Variants in ULK2 observed in about 807,000 individuals in gnomAD.
ULK2 encodes the protein unc-51 like autophagy activating kinase 2, also known as serine/threonine-protein kinase ULK2.
In ULK2, 76 loss-of-function variants were observed where a neutral mutation model predicts 127.5. The observed-to-expected ratio is 0.60, with a 90% CI of 0.50 to 0.72. The LOEUF (loss-of-function observed/expected upper bound fraction) is 0.72. Among genes scored for constraint, ULK2 ranks in the 30% least tolerant of loss-of-function variants. The pLI is 0.00. For synonymous variants in ULK2, 452 were observed against 461.9 expected (o/e 0.98, Z 0.28); for missense variants, 1,144 against 1,295.9 (o/e 0.88, Z 1.80).
chr17:19,781,943 T>C lies in ULK2; in HGVS notation c.2585A>G (p.Gln862Arg), dbSNP rs749467154. Residue 862 changes from glutamine to arginine, a missense_variant, in exon 23 of 27, where the codon CAG becomes CGG. Around this residue, in one of 2 missense-constraint regions of ULK2, gnomAD observed 913 missense variants for 970.5 expected, o/e 0.94. Transcript: ENST00000395544. ...ELCTSAVSLY[Q>R]IQESVVVDQI... The stretch of plus-strand genomic sequence containing the variant: ...GTCCACCACCACACTCTCCTGGATC[T>C]GGTACAAGGACACAGCAGATGTGCA... 62 of 1,614,086 alleles carry C rather than the reference T, an allele frequency of 3.8e-5. No homozygotes were observed. Among genetic ancestry groups the C allele is most frequent in the Middle Eastern group, 1.6e-4 (1 of 6,084 alleles).
chr17:19,856,627 C>T (rs1483519673), intron 3 of ULK2, among the ~76,000 whole-genome samples: 2 of 151,040 alleles, frequency 1.3e-5, no homozygotes, highest in Non-Finnish European at 2.9e-5. Flanking sequence ...TGACATGTAT[C>T]GTTTGTTCCT....
rs886414335 is a variant in ULK2 at position 19,774,151 on chromosome 17, C to T, written c.*2198G>A. The T allele has an allele frequency of 3.3e-5, 5 of 152,586 alleles. No homozygotes were observed. Among genetic ancestry groups the T allele is most frequent in the African/African-American group, 7.2e-5 (3 of 41,418 alleles). 9.5% of individuals were successfully genotyped at this position (152,586 alleles called of 1,614,324 possible). A position where few individuals can be genotyped will look rare whatever the true frequency, so the allele number is the denominator to read the frequency against. On this transcript the variant is annotated 3_prime_UTR_variant, in exon 27 of 27. Coordinates refer to ENST00000395544, the MANE Select transcript of ULK2 (RefSeq NM_014683.4). ...AAACACGATATGAAATTTAAAAATA[C>T]TCAGGGAAACATAAAGCATTTGTTT...
chr17:19,803,138 T>A (rs1377454281), intron 15 of ULK2, among the ~76,000 whole-genome samples: 1 of 152,190 alleles, frequency 6.6e-6, no homozygotes, highest in Non-Finnish European at 1.5e-5. Flanking sequence ...TTGATACCCA[T>A]AACCATAGTT....
chr17:19,822,717 C>T (rs1018330866), intron 12 of ULK2, among the ~76,000 whole-genome samples: 2 of 151,842 alleles, frequency 1.3e-5, no homozygotes, highest in East Asian at 1.9e-4. Flanking sequence ...GATGGAGTCT[C>T]GCTCTGTCGC....
At chr17:19,832,046 C>T (rs2041465173) in intron 10 of ULK2, among the ~76,000 whole-genome samples, 1 of 151,562 alleles carries the variant, frequency 6.6e-6, no homozygotes, top group African/African-American at 2.4e-5. Flanking sequence ...ATCGCCTGAA[C>T]CCAGGAGCTG....
rs572871467 is a variant in ULK2 at position 19,835,665 on chromosome 17, C to T, written c.787+2836G>A. ...CCAGGAGGCAGAGCTTGCAGTGAGC[C>T]GAGATCCCGCCACTGCACTCCAGCC... On this transcript the variant is annotated intron_variant, in intron 10 of 26. Transcript: ENST00000395544. Among the ~76,000 whole-genome samples the T allele has an allele frequency of 1.9e-4, 29 of 149,876 alleles. No homozygotes were observed. In the South Asian group the frequency reaches 4.7e-3, roughly 24 times the overall value.
At chr17:19,852,478 C>T (rs1430368392) in intron 3 of ULK2, among the ~76,000 whole-genome samples, 1 of 142,820 alleles carries the variant, frequency 7.0e-6, no homozygotes, top group Admixed American at 7.0e-5. Context: ...CCGAGATCAC[C>T]ACTGCACTCT....
intron 3 of ULK2, among the ~76,000 whole-genome samples, chr17:19,856,789 G>A (rs62066261): frequency 0.1 from 15,288 of 149,158 alleles, 895 homozygotes; most frequent in Middle Eastern, 0.19. Flanking sequence ...TGGCTAACAC[G>A]GTGAAACCCC....
At chr17:19,787,432 G>A (rs931700196) in intron 20 of ULK2, among the ~76,000 whole-genome samples, 6 of 152,130 alleles carry the variant, frequency 3.9e-5, no homozygotes, top group Non-Finnish European at 8.8e-5. Flanking sequence ...GATTACAGGC[G>A]TGAGCCACTG....
chr17:19,814,456 T>TTTTTTTTTTTG (rs1555557161), intron 13 of ULK2, among the ~76,000 whole-genome samples: 6 of 18,258 alleles, frequency 3.3e-4, no homozygotes, highest in Admixed American at 1.0e-3. Flanking sequence ...TTTTTTTTTT[T>TTTTTTTTTTTG]TTTTTTTGGA....
At chr17:19,783,621 T>G (rs2086965336) in intron 22 of ULK2, 76 bp downstream of exon 22, 3 of 1,311,374 alleles carry the variant, frequency 2.3e-6, no homozygotes, top group Non-Finnish European at 3.0e-6. Flanking sequence ...ATTTAATGTA[T>G]TTTGTTCTTG....
intron 17 of ULK2, among the ~76,000 whole-genome samples, chr17:19,798,813 T>C (rs975631713): frequency 3.3e-5 from 5 of 152,266 alleles, no homozygotes; most frequent in East Asian, 1.9e-4. Flanking sequence ...CAAATACATA[T>C]AATTTTTAAA....
rs147466654 is a variant in ULK2, at chr17:19,814,927, T to C, written c.1096+1822A>G. Among the ~76,000 whole-genome samples, 310 of 152,300 alleles carry C rather than the reference T, an allele frequency of 2.0e-3. 1 individual carries two copies. The highest frequency in any genetic ancestry group is 7.2e-3 in the African/African-American group (300 of 41,566). On this transcript the variant is annotated intron_variant, in intron 13 of 26. Transcript: ENST00000395544. Reference sequence around the variant, plus strand: ...AAATGGATAAACTGTGTTTTAGTTATATTATACAATTCAGGTATTGGAATG... The same window carrying C: ...AAATGGATAAACTGTGTTTTAGTTACATTATACAATTCAGGTATTGGAATG...
chr17:19,845,681 T>C (rs1478717761), intron 6 of ULK2, among the ~76,000 whole-genome samples: 26 of 152,172 alleles, frequency 1.7e-4, no homozygotes. Context: ...TAAATATCAA[T>C]ACCAGATGTA....
chr17:19,804,934 A>AT (rs2087483177), intron 14 of ULK2, 104 bp from the exon 15 acceptor site: 1 of 1,337,676 alleles, frequency 7.5e-7, no homozygotes. Context: ...AAAGAGCCAA[A>AT]TGGTCACTCC....
rs113024562 is a variant in ULK2 at position 19,840,234 on chromosome 17, T to C, written c.704+1255A>G. The C allele has an allele frequency of 3.5e-3, 1,796 of 510,746 alleles. 22 individuals carry two copies. The highest frequency in any genetic ancestry group is 0.031 in the African/African-American group (1,569 of 51,388). 31.6% of individuals were successfully genotyped at this position (510,746 alleles called of 1,614,324 possible). On this transcript the variant is annotated intron_variant, in intron 9 of 26. Coordinates refer to ENST00000395544, the MANE Select transcript of ULK2 (RefSeq NM_014683.4). The stretch of plus-strand genomic sequence containing the variant: ...CACCCGACGGGCGCAAGTTGAGCAG[T>C]TGGCCATAAGAGCCGGGCTGAAATG...
chr17:19,814,425 TATATATATATATA>T (rs2040919604), intron 13 of ULK2, among the ~76,000 whole-genome samples: 1 of 14,998 alleles, frequency 6.7e-5, no homozygotes, highest in African/African-American at 3.1e-4. Flanking sequence ...TATATATATA[TATATATATATATA>T]TTTTTTTTTT....
rs2152385625 is a variant in ULK2, at chr17:19,797,527, T to C, written c.1678A>G (p.Ser560Gly). The C allele has an allele frequency of 1.9e-6, 3 of 1,613,984 alleles. No individual in the cohort carries two copies. The highest frequency in any genetic ancestry group is 2.5e-6 in the Non-Finnish European group (3 of 1,180,026). Reference sequence around the variant, plus strand: ...GGCCGACTGGGCTGAGGCGAGTAGCTGTACCCAGCCCCAGTATGGGATGGG... The same window carrying C: ...GGCCGACTGGGCTGAGGCGAGTAGCCGTACCCAGCCCCAGTATGGGATGGG... ...VCPSHTGAGY[S>G]YSPQPSRPGS... Residue 560 changes from serine to glycine, a missense_variant, in exon 18 of 27, where the codon AGC becomes GGC. Around this residue, in one of 2 missense-constraint regions of ULK2, gnomAD observed 913 missense variants for 970.5 expected, o/e 0.94. Coordinates refer to ENST00000395544, the MANE Select transcript of ULK2 (RefSeq NM_014683.4).
Position 19,810,454 on chromosome 17 carries a change from G to A in ULK2, c.1097-16C>T. ...GGCATATCACCTAAAGGAGAGAAAA[G>A]AACAATCAGTTCCTGTTATACCATC... On this transcript the variant is annotated splice_polypyrimidine_tract_variant and intron_variant, in intron 13 of 26. Coordinates refer to ENST00000395544, the MANE Select transcript of ULK2 (RefSeq NM_014683.4). 6.4e-7 allele frequency: 1 copy of A among 1,552,440 alleles called. No homozygotes were observed. Among genetic ancestry groups the A allele is most frequent in the Non-Finnish European group, 8.8e-7 (1 of 1,139,490 alleles).
Sources: allele counts gnomAD v4.1 joint callset (sites outside exome capture counted in the v4.1 genomes callset), GRCh38; gene constraint gnomAD v4.1.1; regional missense constraint gnomAD v4.1.1; transcripts MANE v1.5; gene names NCBI Gene and HGNC (gene_info 2026-07-23, HGNC 2026-07-21).